The following FHAD1 variants were observed in gnomAD, a reference collection of about 807,000 sequenced individuals.
FHAD1 encodes forkhead associated phosphopeptide binding domain 1, also known as forkhead-associated domain-containing protein 1.
A neutral mutation model predicts 191.3 loss-of-function variants in FHAD1; 146 were observed. The ratio of observed to expected loss-of-function variants is 0.76; its 90% CI spans 0.67 to 0.88. The LOEUF (loss-of-function observed/expected upper bound fraction) is 0.88. Among genes scored for constraint, FHAD1 ranks in the 40% least tolerant of loss-of-function variants. The probability of loss-of-function intolerance (pLI) is 0.00; values close to 1 mark genes in which losing one functional copy is unlikely to be tolerated. For synonymous variants in FHAD1, 616 were observed against 672.3 expected (o/e 0.92, Z 1.29); for missense variants, 1,635 against 1,785.8 (o/e 0.92, Z 1.52).
At chr1:15,349,175 C>G in intron 19 of FHAD1, 26 bp downstream of exon 19, 1 of 1,498,528 alleles carries the variant, frequency 6.7e-7, no homozygotes, top group South Asian at 1.2e-5. Flanking sequence ...GGAAAGAATC[C>G]TCTGGAAGGA....
chr1:15,313,161 C>G lies in FHAD1; in HGVS notation c.1144C>G (p.His382Asp). 6.4e-7 allele frequency: 1 copy of G among 1,551,962 alleles called. No individual in the cohort carries two copies. The highest frequency in any genetic ancestry group is 8.7e-7 in the Non-Finnish European group (1 of 1,147,046). ...AAAAAGTCAGAACAAGGACAAGGAC[C>G]ACCAGCTGGAAGCCCTTGGCTCTAG... The part of the protein sequence containing the change: ...HLKSQNKDKD[H>D]QLEALGSRCS... The change falls in exon 8 of 34, where the codon CAC becomes GAC. Residue 382 changes from histidine to aspartate, a missense_variant. By Grantham distance (81) the His-to-Asp change is moderately conservative. Coordinates refer to ENST00000688493, the MANE Select transcript of FHAD1 (RefSeq NM_001391957.1).
intron 26 of FHAD1, among the ~76,000 whole-genome samples, chr1:15,370,349 T>G (rs2102823914): frequency 6.6e-6 from 1 of 152,340 alleles, no homozygotes. Context: ...CAACATGGGT[T>G]TATTTTTACA....
Position 15,389,447 on chromosome 1 carries a change from C to CAAAAAAAAAAAA in FHAD1, c.4269+1326_4269+1337dup, listed in dbSNP as rs570569622. On this transcript the variant is annotated intron_variant, in intron 32 of 33. Transcript: ENST00000688493. ...TGAGCAACAGAGGAAGAACCTGTCT[C>CAAAAAAAAAAAA]AAAAAAAAAAAAAAAAAAAAACCTG... is the stretch of plus-strand genomic sequence containing the variant. 1.4e-3 allele frequency among the ~76,000 whole-genome samples: 75 copies of CAAAAAAAAAAAA among 54,220 alleles called. 2 individuals carry two copies. Among genetic ancestry groups the CAAAAAAAAAAAA allele is most frequent in the East Asian group, 2.2e-3 (4 of 1,856 alleles). 35.6% of individuals were successfully genotyped at this position (54,220 alleles called of 152,430 possible).
chr1:15,323,606 CA>C (rs1312443438), intron 10 of FHAD1, among the ~76,000 whole-genome samples: 1 of 152,178 alleles, frequency 6.6e-6, no homozygotes, highest in African/African-American at 2.4e-5. Flanking sequence ...AAAATCCTCT[CA>C]TCTAGGAGAG....
chr1:15,367,890 C>T (rs1296962475), intron 25 of FHAD1, among the ~76,000 whole-genome samples: 5 of 152,182 alleles, frequency 3.3e-5, no homozygotes, highest in Non-Finnish European at 1.5e-5. Context: ...TGTGCTTGGG[C>T]TCCCTCAGCC....
At chr1:15,339,041 G>C (rs1338330754) in intron 14 of FHAD1, among the ~76,000 whole-genome samples, 1 of 152,090 alleles carries the variant, frequency 6.6e-6, no homozygotes, top group Non-Finnish European at 1.5e-5. Context: ...TTTTGAGACT[G>C]AGTCTCGCTC....
chr1:15,306,455 A>G (rs1670514853), intron 6 of FHAD1, among the ~76,000 whole-genome samples: 1 of 152,212 alleles, frequency 6.6e-6, no homozygotes, highest in African/African-American at 2.4e-5. Flanking sequence ...ACTAATGTTA[A>G]TCCCCAAGGC....
At chr1:15,308,773 C>G (rs1449456277) in intron 7 of FHAD1, 37 bp downstream of exon 7, 1 of 1,550,666 alleles carries the variant, frequency 6.4e-7, no homozygotes, top group Non-Finnish European at 8.7e-7. Context: ...GCTGCCACTC[C>G]CGCACCCGTT....
At chr1:15,298,841 T>A (rs1667729606) in intron 5 of FHAD1, among the ~76,000 whole-genome samples, 1 of 152,020 alleles carries the variant, frequency 6.6e-6, no homozygotes, top group Non-Finnish European at 1.5e-5. Context: ...TTGTCAGGAC[T>A]CCTTCAAGTG....
At chr1:15,323,096 C>G (rs1344730920) in intron 10 of FHAD1, among the ~76,000 whole-genome samples, 1 of 152,168 alleles carries the variant, frequency 6.6e-6, no homozygotes, top group Non-Finnish European at 1.5e-5. Context: ...ATTCAGTTAC[C>G]TCCCCCTGGG....
chr1:15,394,935 T>G (rs1339221270), intron 33 of FHAD1, among the ~76,000 whole-genome samples: 4 of 152,100 alleles, frequency 2.6e-5, no homozygotes, highest in Non-Finnish European at 5.9e-5. Flanking sequence ...GAGAGAGATC[T>G]TGGGTTGCAG....
chr1:15,259,881 T>G (rs1012201755), intron 2 of FHAD1, among the ~76,000 whole-genome samples: 3 of 152,096 alleles, frequency 2.0e-5, no homozygotes, highest in East Asian at 1.9e-4. Context: ...AGGGCCCCCC[T>G]CTCCCTGCCA....
At chr1:15,339,290 G>T (rs902580042) in intron 14 of FHAD1, among the ~76,000 whole-genome samples, 191 bp from the exon 15 acceptor site, 4 of 152,126 alleles carry the variant, frequency 2.6e-5, no homozygotes, top group African/African-American at 9.7e-5. Flanking sequence ...CAAAGTGCTG[G>T]GGTTACAGGT....
Position 15,289,560 on chromosome 1 carries a change from A to G in FHAD1, c.462A>G (p.Arg154=). The part of the protein sequence containing the change: ...MQRSWSQAFP[R]PTVVLPASHR... The stretch of plus-strand genomic sequence containing the variant: ...GGAGCTGGTCCCAGGCCTTTCCCAG[A>G]CCCACCGTGGTCCTGCCGGCCTCCC... Residue 154 remains arginine, a synonymous_variant, in exon 4 of 34, where the codon AGA becomes AGG. Coordinates refer to ENST00000688493, the MANE Select transcript of FHAD1 (RefSeq NM_001391957.1). This position sits in a 1 kb window ranked among gnomAD's most constrained non-coding sequence, Gnocchi z 4.2. The G allele has an allele frequency of 6.4e-7, 1 of 1,551,494 alleles. No individual in the cohort carries two copies. The highest frequency in any genetic ancestry group is 1.2e-5 in the South Asian group (1 of 84,040).
intron 14 of FHAD1, among the ~76,000 whole-genome samples, chr1:15,333,784 C>A (rs1682743463): frequency 6.6e-6 from 1 of 151,204 alleles, no homozygotes; most frequent in Non-Finnish European, 1.5e-5. Flanking sequence ...TCCCACCTAC[C>A]CAGTGAGGCA....
chr1:15,266,298 AG>A (rs1271744926), intron 2 of FHAD1, among the ~76,000 whole-genome samples: 2 of 151,934 alleles, frequency 1.3e-5, no homozygotes, highest in East Asian at 3.9e-4. Context: ...TTGTAGAGAT[AG>A]GGTCTCCTTA....
Position 15,352,940 on chromosome 1 carries a change from A to G in FHAD1, c.2518A>G (p.Lys840Glu), listed in dbSNP as rs1262127296. ...KAKEAMEKEK[K>E]KVQDLENRLT... ...AAAGGAGGCCATGGAGAAGGAAAAG[A>G]AAAAGGTGCAAGACCTGGAGAATCG... is the stretch of plus-strand genomic sequence containing the variant. Residue 840 changes from lysine to glutamate, a missense_variant, in exon 20 of 34, where the codon AAA (lysine) becomes GAA (glutamate). Physicochemically the swap from Lys to Glu is moderately conservative, Grantham distance 56. Coordinates refer to ENST00000688493, the MANE Select transcript of FHAD1 (RefSeq NM_001391957.1). The G allele has an allele frequency of 4.5e-6, 7 of 1,551,106 alleles. No homozygotes were observed. Among genetic ancestry groups the G allele is most frequent in the Middle Eastern group, 1.7e-4 (1 of 6,008 alleles).
rs1315834720 is a variant in FHAD1, at chr1:15,352,933, G to A, written c.2511G>A (p.Lys837=). 13 of 1,551,448 alleles carry A rather than the reference G, an allele frequency of 8.4e-6. No individual in the cohort carries two copies. The Admixed American group carries it at 2.5e-4, about 30-fold the overall frequency. The change falls in exon 20 of 34, where the codon AAG becomes AAA. Residue 837 remains lysine (K), a synonymous_variant. Coordinates refer to ENST00000688493, the MANE Select transcript of FHAD1 (RefSeq NM_001391957.1). ...GCAAAGCAAAGGAGGCCATGGAGAA[G>A]GAAAAGAAAAAGGTGCAAGACCTGG... is the stretch of plus-strand genomic sequence containing the variant. ...EKRKAKEAME[K]EKKKVQDLEN... is the part of the protein sequence containing the mutation.
rs1394462266 is a variant in FHAD1 at position 15,332,446 on chromosome 1, G to A, written c.1906+2905G>A. 3.9e-5 allele frequency among the ~76,000 whole-genome samples: 6 copies of A among 152,202 alleles called. No individual in the cohort carries two copies. The East Asian group carries it at 1.2e-3, about 29-fold the overall frequency. ...GTTGTTGCCAGGTGTAGTGGCTCAT[G>A]CCTGTGATCCCATCAACATAAGAGG... On this transcript the variant is annotated intron_variant, in intron 14 of 33. Transcript: ENST00000688493.
Sources: gnomAD v4.1 joint callset for allele counts (sites outside exome capture counted in the v4.1 genomes callset) on GRCh38, gnomAD v4.1.1 for gene constraint, Gnocchi (gnomAD v3.1) non-coding constraint, MANE v1.5 for transcripts, NCBI Gene and HGNC (gene_info 2026-07-23, HGNC 2026-07-21) for gene names.